FGF14: variants seen among roughly 807,000 people sequenced by gnomAD.
The protein encoded by FGF14 is fibroblast growth factor 14.
A neutral mutation model predicts 25.5 loss-of-function variants in FGF14; 5 were observed. The observed-to-expected ratio is 0.20, with a 90% CI of 0.10 to 0.41. The LOEUF (loss-of-function observed/expected upper bound fraction) is 0.41, where lower values mean the gene tolerates loss of function less well. Among genes scored for constraint, FGF14 ranks in the 10% least tolerant of loss-of-function variants. The pLI is 1.00. For missense variants in FGF14, 222 were observed against 320.1 expected, an observed-to-expected ratio of 0.69 and a Z score of 2.34; for synonymous variants, 138 against 118.3, an observed-to-expected ratio of 1.17 and a Z score of -1.08.
intron 1 of FGF14, among the ~76,000 whole-genome samples, chr13:102,171,409 T>C (rs2048239105): frequency 6.6e-6 from 1 of 152,160 alleles, no homozygotes; most frequent in African/African-American, 2.4e-5. Context: ...AAATGACAAA[T>C]GATAATGTAG....
intron 1 of FGF14, among the ~76,000 whole-genome samples, chr13:102,086,762 G>A (rs1438972869): frequency 6.6e-6 from 1 of 152,104 alleles, no homozygotes; most frequent in Non-Finnish European, 1.5e-5. Flanking sequence ...AATTTAGAAG[G>A]GGAAAGATGT....
chr13:102,224,740 A>G (rs569647852), intron 1 of FGF14, among the ~76,000 whole-genome samples: 1 of 152,286 alleles, frequency 6.6e-6, no homozygotes, highest in East Asian at 1.9e-4. Context: ...CATCAAATAT[A>G]AGACATTATA....
At position 102,400,891 on chromosome 13, in the gene FGF14, A is replaced by G. The variant is rs1163309317; in HGVS notation, c.208+580T>C. 1.3e-5 allele frequency among the ~76,000 whole-genome samples: 2 copies of G among 152,044 alleles called. No homozygotes were observed. The highest frequency in any genetic ancestry group is 2.9e-5 in the Non-Finnish European group (2 of 68,014). Reference sequence around the variant, plus strand: ...CCCGGTGGCAGGATGTGTCAGAGGCAGACAGGGGGAATGAGTTAATGCTCG... The same window carrying G: ...CCCGGTGGCAGGATGTGTCAGAGGCGGACAGGGGGAATGAGTTAATGCTCG... On this transcript the variant is annotated intron_variant, in intron 1 of 4. Coordinates refer to the FGF14 transcript ENST00000376131. This position sits in a 1 kb window ranked among gnomAD's most constrained non-coding sequence, Gnocchi z 4.3.
intron 1 of FGF14, among the ~76,000 whole-genome samples, chr13:102,370,760 T>C (rs1201026204): frequency 2.0e-5 from 3 of 152,294 alleles, no homozygotes; most frequent in East Asian, 1.9e-4. Context: ...GACACACAAA[T>C]GCACCCATCT....
At chr13:102,363,964 A>G (rs1187318757) in intron 1 of FGF14, among the ~76,000 whole-genome samples, 2 of 152,220 alleles carry the variant, frequency 1.3e-5, no homozygotes, top group Non-Finnish European at 2.9e-5. Context: ...GCATTTGAAT[A>G]TCTTAGCCCC....
At chr13:101,957,767 CAT>C (rs990328364) in intron 1 of FGF14, among the ~76,000 whole-genome samples, 11 of 152,142 alleles carry the variant, frequency 7.2e-5, no homozygotes, top group Non-Finnish European at 1.3e-4. Context: ...TTTGCAAACA[CAT>C]ATGAGACTCA....
intron 1 of FGF14, among the ~76,000 whole-genome samples, chr13:102,281,961 G>A (rs940052793): frequency 6.6e-6 from 1 of 151,820 alleles, no homozygotes; most frequent in Admixed American, 6.6e-5. Context: ...TCATATGTCC[G>A]TACTGCAAAT....
chr13:101,852,999 G>A (rs1311484303), intron 3 of FGF14, among the ~76,000 whole-genome samples: 1 of 151,946 alleles, frequency 6.6e-6, no homozygotes, highest in East Asian at 1.9e-4. Flanking sequence ...GAATCCTACA[G>A]AAATAGGCAG....
intron 1 of FGF14, among the ~76,000 whole-genome samples, chr13:102,336,795 A>G (rs76074726): frequency 0.01 from 1,528 of 152,294 alleles, 14 homozygotes; most frequent in Non-Finnish European, 0.017. Context: ...TCATTCTGAA[A>G]ATCCTAGAGC....
intron 1 of FGF14, among the ~76,000 whole-genome samples, chr13:101,943,564 A>G (rs2035586177): frequency 6.6e-6 from 1 of 152,168 alleles, no homozygotes; most frequent in South Asian, 2.1e-4. Context: ...GCAGGGGTTG[A>G]GAAAAGCTGC....
chr13:102,284,467 G>A (rs909514199), intron 1 of FGF14, among the ~76,000 whole-genome samples: 4 of 151,880 alleles, frequency 2.6e-5, no homozygotes, highest in African/African-American at 9.7e-5. Flanking sequence ...CATAATATGA[G>A]CAATAAAGGA....
chr13:102,310,232 C>T (rs762612090), intron 1 of FGF14, among the ~76,000 whole-genome samples: 38 of 152,204 alleles, frequency 2.5e-4, no homozygotes, highest in Non-Finnish European at 5.0e-4. Flanking sequence ...GATAGTTTTA[C>T]TCTTGCCCTC....
rs557594007 is a variant in FGF14 at position 101,911,209 on chromosome 13, C to G, written c.193+5244G>C. Among the ~76,000 whole-genome samples, 5 of 152,000 alleles carry G rather than the reference C, an allele frequency of 3.3e-5. No individual in the cohort carries two copies. In the South Asian group the frequency reaches 1.0e-3, roughly 32 times the overall value. On this transcript the variant is annotated intron_variant, in intron 1 of 4. Transcript: ENST00000376143. Reference sequence around the variant, plus strand: ...AGTAACATCATAGAGAATGGAATTACTAACAAAAATCACAAGTTTGGGGCT... The same window carrying G: ...AGTAACATCATAGAGAATGGAATTAGTAACAAAAATCACAAGTTTGGGGCT...
At chr13:101,959,194 C>T (rs1403737897) in intron 1 of FGF14, among the ~76,000 whole-genome samples, 1 of 152,120 alleles carries the variant, frequency 6.6e-6, no homozygotes, top group Non-Finnish European at 1.5e-5. Flanking sequence ...TCTTGTGCCA[C>T]CCTGATCTGA....
intron 1 of FGF14, among the ~76,000 whole-genome samples, chr13:102,062,304 T>A (rs778907759): frequency 1.3e-5 from 2 of 149,378 alleles, no homozygotes; most frequent in Non-Finnish European, 3.0e-5. Context: ...AAAATAAAAT[T>A]CCAAAAAGGC....
intron 1 of FGF14, among the ~76,000 whole-genome samples, chr13:101,899,282 A>T (rs978306800): frequency 6.6e-6 from 1 of 152,108 alleles, no homozygotes; most frequent in Non-Finnish European, 1.5e-5. Flanking sequence ...CACTCAATTA[A>T]AACTACTGAA....
chr13:102,166,568 G>A (rs1594245719), intron 1 of FGF14, among the ~76,000 whole-genome samples: 1 of 152,110 alleles, frequency 6.6e-6, no homozygotes, highest in South Asian at 2.1e-4. Flanking sequence ...TTTGGAGTTG[G>A]TGATGTTGCT....
chr13:102,350,296 G>C (rs550965769), intron 1 of FGF14, among the ~76,000 whole-genome samples: 1 of 151,876 alleles, frequency 6.6e-6, no homozygotes, highest in African/African-American at 2.4e-5. Context: ...TTGAGCCCAA[G>C]AGTTTGAGGT....
chr13:101,911,878 T>G lies in FGF14; in HGVS notation c.193+4575A>C, dbSNP rs770760999. 6.8e-4 allele frequency among the ~76,000 whole-genome samples: 103 copies of G among 151,936 alleles called. 2 individuals carry two copies. Among genetic ancestry groups the G allele is most frequent in the Non-Finnish European group, 2.1e-4 (14 of 67,954 alleles). On this transcript the variant is annotated intron_variant, in intron 1 of 4. Transcript: ENST00000376143. Reference sequence around the variant, plus strand: ...CAAAGAGAAAATATCTTCCAAAAAATAAAAAGTGCTTTGAAGAAAAATGTT... The same window carrying G: ...CAAAGAGAAAATATCTTCCAAAAAAGAAAAAGTGCTTTGAAGAAAAATGTT...
Sources: allele counts gnomAD v4.1 joint callset (sites outside exome capture counted in the v4.1 genomes callset), GRCh38; gene constraint gnomAD v4.1.1; non-coding constraint Gnocchi (gnomAD v3.1); transcripts MANE v1.5; gene names NCBI Gene and HGNC (gene_info 2026-07-23, HGNC 2026-07-21).